The following CFAP47 variants were observed in gnomAD, a reference collection of about 807,000 sequenced individuals.
CFAP47 encodes cilia and flagella associated protein 47.
CFAP47 carries 29 observed loss-of-function variants against 148.1 expected under a neutral mutation model. That is an observed-to-expected ratio of 0.20 (90% CI 0.15 to 0.27). The LOEUF is 0.27. Ranked by LOEUF, CFAP47 falls within the 10% of genes least tolerant of loss-of-function variation. CFAP47 has a pLI of 1.00. For missense variants in CFAP47, 1,872 were observed against 1,697.5 expected, an observed-to-expected ratio of 1.10 and a Z score of -1.81; for synonymous variants, 664 against 577.3, an observed-to-expected ratio of 1.15 and a Z score of -2.15.
Position 36,099,246 on chromosome X carries a change from A to G in CFAP47, c.4998+372A>G, listed in dbSNP as rs933284494. Among the ~76,000 whole-genome samples, 3 of 111,316 alleles carry G rather than the reference A, an allele frequency of 2.7e-5. 1 individual carries two copies. Among genetic ancestry groups the G allele is most frequent in the Non-Finnish European group, 5.7e-5 (3 of 53,075 alleles). On this transcript the variant is annotated intron_variant, in intron 31 of 63. Coordinates refer to ENST00000378653, the MANE Select transcript of CFAP47 (RefSeq NM_001304548.2). The stretch of plus-strand genomic sequence containing the variant: ...ACTTTTCTTCTTCGTTTTCAGGGGA[A>G]AATAGAAATGTAGCAAGAAATATAT...
In CFAP47 at chrX:36,018,599, TC is replaced by T. The variant is rs758013726; in HGVS notation, c.3556+3688del. ...GTTCTTTCAGCATTAATGGAAATGA[TC>T]ACATGGTTTTTGTCCTTCATTCTGT... On this transcript the variant is annotated intron_variant, in intron 22 of 63. Transcript: ENST00000378653. 2.6e-3 allele frequency among the ~76,000 whole-genome samples: 294 copies of T among 112,308 alleles called. 1 individual carries two copies. The highest frequency in any genetic ancestry group is 4.8e-3 in the Non-Finnish European group (258 of 53,236).
At position 36,363,233 on chromosome X, in the gene CFAP47, C is replaced by G. The variant is rs928653650; in HGVS notation, c.9023+1732C>G. On this transcript the variant is annotated intron_variant, in intron 61 of 63. Transcript: ENST00000378653. ...GTATATACAGTCATGCATCACTTAACAACAAAGATATGTTCTGAGAAATGC... is the reference window on the plus strand; with the variant it reads ...GTATATACAGTCATGCATCACTTAAGAACAAAGATATGTTCTGAGAAATGC... Among the ~76,000 whole-genome samples the G allele has an allele frequency of 2.7e-5, 3 of 111,461 alleles. No individual in the cohort carries two copies. In the Admixed American group the frequency reaches 2.9e-4, roughly 11 times the overall value.
At chrX:36,033,071 T>C (rs1040824993) in intron 23 of CFAP47, among the ~76,000 whole-genome samples, 2 of 112,097 alleles carry the variant, frequency 1.8e-5, no homozygotes, top group Admixed American at 9.5e-5. Flanking sequence ...AACACGTTGA[T>C]CTTAGCCAAA....
At position 36,317,405 on chromosome X, in the gene CFAP47, G is replaced by C. The variant is rs139572186; in HGVS notation, c.8345-1804G>C. On this transcript the variant is annotated intron_variant, in intron 56 of 63. Transcript: ENST00000378653. ...TGGGGTATCAAATATATTAAGTTTTGTGTTTTTTTTTTCTTTCTTTTTGAG... is the reference window on the plus strand; with the variant it reads ...TGGGGTATCAAATATATTAAGTTTTCTGTTTTTTTTTTCTTTCTTTTTGAG... 9.4e-3 allele frequency among the ~76,000 whole-genome samples: 1,017 copies of C among 108,371 alleles called. 10 individuals carry two copies. The highest frequency in any genetic ancestry group is 0.033 in the African/African-American group (954 of 29,268). The allele number at this position is 108,371 out of a possible 115,157, so 94.1% of individuals were successfully genotyped here. A position where few individuals can be genotyped will look rare whatever the true frequency, so the allele number is the denominator to read the frequency against.
intron 26 of CFAP47, among the ~76,000 whole-genome samples, chrX:36,048,537 T>C (rs1937493249): frequency 8.9e-6 from 1 of 111,830 alleles, no homozygotes; most frequent in African/African-American, 3.2e-5. Flanking sequence ...TTAGATTTTG[T>C]CACATTTGGA....
rs1475086472 is a variant in CFAP47, at chrX:36,207,167, A to G, written c.6817+2057A>G. Among the ~76,000 whole-genome samples, 4 of 112,461 alleles carry G rather than the reference A, an allele frequency of 3.6e-5. No individual in the cohort carries two copies. The Admixed American group carries it at 3.8e-4, about 11-fold the overall frequency. ...GATGCAAGCATTGTAACTTTAATAA[A>G]TGCAATTCTATTAGAATTTGTGCCT... On this transcript the variant is annotated intron_variant, in intron 45 of 63. Transcript: ENST00000378653.
intron 22 of CFAP47, among the ~76,000 whole-genome samples, chrX:36,027,877 T>G (rs1282331095): frequency 8.9e-6 from 1 of 111,880 alleles, no homozygotes; most frequent in Admixed American, 9.5e-5. Flanking sequence ...AGTATCTCAT[T>G]GTGGTTTTAA....
At chrX:36,089,653 G>A (rs1030612995) in intron 30 of CFAP47, among the ~76,000 whole-genome samples, 2 of 111,122 alleles carry the variant, frequency 1.8e-5, no homozygotes, top group Non-Finnish European at 3.8e-5. Flanking sequence ...AGTTCAATAT[G>A]TAAAATTAAG....
chrX:36,350,732 G>A (rs1038457153), intron 59 of CFAP47, among the ~76,000 whole-genome samples: 1 of 104,997 alleles, frequency 9.5e-6, no homozygotes, highest in Admixed American at 1.0e-4. Flanking sequence ...CTTCTCTAAC[G>A]TTTCTGTGTG....
chrX:36,159,364 A>T, intron 37 of CFAP47, 62 bp from the exon 38 acceptor site: 2 of 294,526 alleles, frequency 6.8e-6, no homozygotes. Context: ...TCTACATTAA[A>T]CAAATGCTTG....
chrX:36,375,205 C>T (rs966311150), intron 62 of CFAP47: 10 of 254,042 alleles, frequency 3.9e-5, no homozygotes, highest in South Asian at 1.9e-4. Flanking sequence ...GGAAAGATGG[C>T]GGAAAGAGAA....
intron 29 of CFAP47, among the ~76,000 whole-genome samples, chrX:36,074,026 G>C (rs1937803535): frequency 9.0e-6 from 1 of 111,418 alleles, no homozygotes; most frequent in African/African-American, 3.3e-5. Context: ...GTGGACTATG[G>C]GCTATTTATA....
intron 39 of CFAP47, among the ~76,000 whole-genome samples, chrX:36,161,356 A>G (rs1329400040): frequency 9.0e-6 from 1 of 111,440 alleles, no homozygotes; most frequent in Non-Finnish European, 1.9e-5. Context: ...AAATATGTAT[A>G]ATTAATAGAT....
chrX:36,215,930 G>A (rs1465669669), intron 45 of CFAP47, among the ~76,000 whole-genome samples: 1 of 111,725 alleles, frequency 9.0e-6, no homozygotes, highest in East Asian at 2.8e-4. Context: ...TTCAGACCAT[G>A]GTACCTGAGT....
chrX:36,246,798 G>T lies in CFAP47; in HGVS notation c.7333-4535G>T, dbSNP rs1276563126. Reference sequence around the variant, plus strand: ...ATAACAGATGTTGGAGTGGCTGAGAGAAAAGGGAATGCTTATACACTGTTG... The same window carrying T: ...ATAACAGATGTTGGAGTGGCTGAGATAAAAGGGAATGCTTATACACTGTTG... On this transcript the variant is annotated intron_variant, in intron 48 of 63. Coordinates refer to ENST00000378653, the MANE Select transcript of CFAP47 (RefSeq NM_001304548.2). Among the ~76,000 whole-genome samples the T allele has an allele frequency of 2.7e-5, 3 of 111,772 alleles. No individual in the cohort carries two copies. In the East Asian group the frequency reaches 8.5e-4, roughly 32 times the overall value.
intron 46 of CFAP47, among the ~76,000 whole-genome samples, chrX:36,229,755 C>T (rs1555992108): frequency 1.1e-5 from 1 of 94,669 alleles, no homozygotes; most frequent in Non-Finnish European, 2.1e-5. Context: ...AGCTATCTCT[C>T]CCCCCTCCCC....
rs1936915889 is a variant in CFAP47, at chrX:36,001,595, C to G, written c.3323-18C>G. ...TTTTTGATTGTTATGAATATGTGTA[C>G]TTTTTCACCTCTTACAGAAGAATTT... On this transcript the variant is annotated intron_variant, in intron 20 of 63. Transcript: ENST00000378653. 1.0e-5 allele frequency: 3 copies of G among 293,696 alleles called. No homozygotes were observed. In the East Asian group the frequency reaches 1.4e-4, roughly 14 times the overall value. The allele number at this position is 293,696 out of a possible 1,213,427, so 24.2% of individuals were successfully genotyped here. A position where few individuals can be genotyped will look rare whatever the true frequency, so the allele number is the denominator to read the frequency against.
At chrX:36,123,816 G>T (rs1167109466) in intron 33 of CFAP47, among the ~76,000 whole-genome samples, 1 of 111,337 alleles carries the variant, frequency 9.0e-6, no homozygotes, top group East Asian at 2.9e-4. Context: ...CAAGACAGAG[G>T]TCTCTTTACT....
At chrX:36,211,938 A>G (rs1441814370) in intron 45 of CFAP47, among the ~76,000 whole-genome samples, 1 of 111,651 alleles carries the variant, frequency 9.0e-6, no homozygotes, top group South Asian at 3.7e-4. Context: ...GGTATTTACA[A>G]TAGCCACTAA....
Sources: gnomAD v4.1 joint callset for allele counts (sites outside exome capture counted in the v4.1 genomes callset) on GRCh38, gnomAD v4.1.1 for gene constraint, MANE v1.5 for transcripts, NCBI Gene and HGNC (gene_info 2026-07-23, HGNC 2026-07-21) for gene names.